The following ZNF91 variants were observed in gnomAD, a reference collection of about 807,000 sequenced individuals.
ZNF91 encodes zinc finger protein 91 (HPF7, HTF10).
In ZNF91, 7 loss-of-function variants were observed where a neutral mutation model predicts 12.6. The ratio of observed to expected loss-of-function variants is 0.55; its 90% CI spans 0.31 to 1.04. ZNF91 has a LOEUF of 1.04. Among genes scored for constraint, ZNF91 ranks in the 50% least tolerant of loss-of-function variants. ZNF91 has a pLI of 0.05. For synonymous variants in ZNF91, 453 were observed against 462.6 expected (o/e 0.98, Z 0.27); for missense variants, 1,217 against 1,385.4 (o/e 0.88, Z 1.93).
intron 1 of ZNF91, among the ~76,000 whole-genome samples, chr19:23,377,281 T>A (rs549551677): frequency 6.6e-6 from 1 of 152,242 alleles, no homozygotes; most frequent in South Asian, 2.1e-4. Flanking sequence ...CACCTTAGAG[T>A]CACAGGAGAC....
intron 1 of ZNF91, among the ~76,000 whole-genome samples, chr19:23,310,337 A>G (rs1277146731): frequency 6.6e-6 from 1 of 152,198 alleles, no homozygotes; most frequent in East Asian, 1.9e-4. Flanking sequence ...GACAGTCAAA[A>G]GTTGGAAAAT....
Position 23,359,087 on chromosome 19 carries a change from A to T in ZNF91, c.*316T>A. 1.8e-6 allele frequency: 1 copy of T among 558,890 alleles called. No homozygotes were observed. The highest frequency in any genetic ancestry group is 3.4e-6 in the Non-Finnish European group (1 of 292,080). 34.6% of individuals were successfully genotyped at this position (558,890 alleles called of 1,614,324 possible). On this transcript the variant is annotated 3_prime_UTR_variant, in exon 4 of 4. Transcript: ENST00000300619. ...TGTCTGGTTAGGGCTGAGGACCAGA[A>T]AAAGGATTTGCCACATTCTTCACAT...
downstream of ZNF91, chr19:23,337,717 G>C (rs1968042835): frequency 6.6e-6 from 1 of 151,908 alleles, no homozygotes; most frequent in Non-Finnish European, 1.5e-5. Flanking sequence ...GAAACTCAAA[G>C]AGAGGCAAGA....
intron 1 of ZNF91, chr19:23,327,086 A>G (rs982366523): frequency 9.2e-5 from 14 of 152,190 alleles, no homozygotes; most frequent in African/African-American, 3.4e-4. Context: ...GGCATGAGTT[A>G]ATAGGAGTGT....
chr19:23,343,307 G>T (rs1161867291), intron 3 of ZNF91, among the ~76,000 whole-genome samples: 1 of 152,110 alleles, frequency 6.6e-6, no homozygotes, highest in Non-Finnish European at 1.5e-5. Flanking sequence ...TCTGAGATGA[G>T]ACCTGAGTTA....
intron 3 of ZNF91, among the ~76,000 whole-genome samples, chr19:23,306,091 C>T (rs366100): frequency 0.1 from 15,768 of 152,130 alleles, 1,256 homozygotes; most frequent in East Asian, 0.37. Flanking sequence ...TTTGTATATA[C>T]ATTCATACAG....
At chr19:23,324,535 G>GTATGTATATATATATATATACA (rs1285959837) in intron 1 of ZNF91, 2 of 150,030 alleles carry the variant, frequency 1.3e-5, no homozygotes, top group African/African-American at 2.5e-5. Flanking sequence ...ATATATATAC[G>GTATGTATATATATATATATACA]TATATACATA....
At chr19:23,382,802 C>T (rs1032413618) in intron 1 of ZNF91, among the ~76,000 whole-genome samples, 4 of 151,748 alleles carry the variant, frequency 2.6e-5, no homozygotes, top group African/African-American at 9.7e-5. Context: ...CAAGAATGAA[C>T]AAAAAAGAAA....
At chr19:23,353,487 T>C (rs1599712404), downstream of ZNF91, among the ~76,000 whole-genome samples, 1 of 152,044 alleles carries the variant, frequency 6.6e-6, no homozygotes, top group Non-Finnish European at 1.5e-5. Context: ...CAGCCCTAAA[T>C]GCCTACATCA....
At chr19:23,374,268 A>G (rs35804934) in intron 2 of ZNF91, among the ~76,000 whole-genome samples, 21,053 of 151,896 alleles carry the variant, frequency 0.14, 1,967 homozygotes, top group Non-Finnish European at 0.21. Flanking sequence ...AACATTCTAC[A>G]AAACAGAAAT....
intron 1 of ZNF91, among the ~76,000 whole-genome samples, chr19:23,330,702 T>C (rs1188253273): frequency 6.6e-6 from 1 of 152,176 alleles, no homozygotes; most frequent in East Asian, 1.9e-4. Context: ...GGAATAATAC[T>C]TTAAAAAGCC....
At chr19:23,306,079 T>C (rs1967394405) in intron 3 of ZNF91, among the ~76,000 whole-genome samples, 1 of 152,194 alleles carries the variant, frequency 6.6e-6, no homozygotes, top group Admixed American at 6.5e-5. Flanking sequence ...TATGTATCAA[T>C]CTTTGTATAT....
downstream of ZNF91, among the ~76,000 whole-genome samples, chr19:23,334,268 TGA>T (rs1967968840): frequency 6.6e-6 from 1 of 152,128 alleles, no homozygotes. Flanking sequence ...GTTGGCATGA[TGA>T]GAGATACTGG....
At position 23,360,355 on chromosome 19, in the gene ZNF91, A is replaced by ATTATC; in HGVS notation, c.2619_2623dup (p.Ile875ArgfsTer2). ...CTTGGAAGGTTTCTCTTTAGTATGA[A>ATTATC]TTATCTTATGTGTCGTAAGATTTGA... On this transcript the variant is annotated stop_gained and frameshift_variant, in exon 4 of 4. Transcript: ENST00000300619. LOFTEE classifies it low-confidence loss of function (END_TRUNC). 6.2e-7 allele frequency: 1 copy of ATTATC among 1,613,988 alleles called. No homozygotes were observed. Among genetic ancestry groups the ATTATC allele is most frequent in the Non-Finnish European group, 8.5e-7 (1 of 1,179,992 alleles).
At chr19:23,392,454 CA>C (rs1970100122) in intron 1 of ZNF91, among the ~76,000 whole-genome samples, 1 of 149,582 alleles carries the variant, frequency 6.7e-6, no homozygotes, top group Non-Finnish European at 1.5e-5. Flanking sequence ...TAGGAGGTAT[CA>C]AGTTTCATCA....
At chr19:23,337,265 C>T (rs551679852), downstream of ZNF91, among the ~76,000 whole-genome samples, 48 of 151,658 alleles carry the variant, frequency 3.2e-4, 1 homozygote, top group Admixed American at 2.2e-3. Context: ...AAGATGACCC[C>T]GAGCCAATAA....
At chr19:23,308,471 G>A (rs1967427346) in intron 2 of ZNF91, 1 of 152,044 alleles carries the variant, frequency 6.6e-6, no homozygotes, top group South Asian at 2.1e-4. Flanking sequence ...TAGGTAATGT[G>A]ACTCTGCTCT....
At chr19:23,338,356 G>A (rs1384408668), downstream of ZNF91, 3 of 151,830 alleles carry the variant, frequency 2.0e-5, no homozygotes, top group East Asian at 3.9e-4. Context: ...AGAATGGGAT[G>A]GCACTTTTAG....
At chr19:23,318,140 A>C (rs887792710) in intron 1 of ZNF91, among the ~76,000 whole-genome samples, 3 of 152,146 alleles carry the variant, frequency 2.0e-5, no homozygotes, top group Non-Finnish European at 2.9e-5. Context: ...ATATGAGTCT[A>C]CCCTTCTGTT....
Sources: allele counts gnomAD v4.1 joint callset (sites outside exome capture counted in the v4.1 genomes callset), GRCh38; gene constraint gnomAD v4.1.1; transcripts MANE v1.5; gene names NCBI Gene and HGNC (gene_info 2026-07-23, HGNC 2026-07-21).